ABCE1: variants seen among roughly 807,000 people sequenced by gnomAD.
ABCE1 encodes the protein ATP binding cassette subfamily E member 1, also known as ATP-binding cassette sub-family E member 1.
ABCE1 carries 22 observed loss-of-function variants against 83.4 expected under a neutral mutation model. The observed-to-expected ratio is 0.26, with a 90% confidence interval of 0.19 to 0.38. ABCE1 has a LOEUF of 0.38. Ranked by LOEUF, ABCE1 falls within the 10% of genes least tolerant of loss-of-function variation. The pLI, the probability that ABCE1 is intolerant of heterozygous loss-of-function variation, is 1.00. For synonymous variants in ABCE1, 204 were observed against 233.7 expected (o/e 0.87, Z 1.16); for missense variants, 330 against 721.9 (o/e 0.46, Z 6.22).
intron 13 of ABCE1, chr4:145,122,643 C>G (rs1749775151): frequency 6.4e-6 from 1 of 156,698 alleles, no homozygotes; most frequent in Non-Finnish European, 1.4e-5. Context: ...CAGATTCCGC[C>G]TCCACAAAAA....
At chr4:145,112,391 G>T (rs1160328051) in intron 9 of ABCE1, 63 bp downstream of exon 9, 15 of 1,125,492 alleles carry the variant, frequency 1.3e-5, no homozygotes, top group Non-Finnish European at 1.8e-5. Context: ...GATTTCTAAG[G>T]ATTAAACACT....
Position 145,113,177 on chromosome 4 carries a change from G to T in ABCE1, c.800+849G>T, listed in dbSNP as rs139973077. Among the ~76,000 whole-genome samples the T allele has an allele frequency of 1.6e-3, 247 of 152,314 alleles. 1 individual carries two copies. Among genetic ancestry groups the T allele is most frequent in the African/African-American group, 5.5e-3 (230 of 41,568 alleles). ...CATCCACTCATGGGCAAGAAGCAAG[G>T]TCTAGTATTGGATTTTCACACATAA... On this transcript the variant is annotated intron_variant, in intron 9 of 17. Transcript: ENST00000296577.
At chr4:145,107,940 AT>A (rs1381299932) in intron 3 of ABCE1, 74 bp from the exon 4 acceptor site, 1 of 1,122,458 alleles carries the variant, frequency 8.9e-7, no homozygotes, top group Non-Finnish European at 1.3e-6. Flanking sequence ...TTATAAAAAT[AT>A]TTTTAATCCA....
intron 11 of ABCE1, 85 bp downstream of exon 11, chr4:145,120,238 C>A: frequency 8.4e-7 from 1 of 1,196,018 alleles, no homozygotes; most frequent in Non-Finnish European, 1.2e-6. Context: ...AAATTTGAAT[C>A]ATATGTTATA....
At chr4:145,105,735 T>C in intron 3 of ABCE1, 45 bp downstream of exon 3, 2 of 1,382,814 alleles carry the variant, frequency 1.4e-6, no homozygotes, top group South Asian at 1.2e-5. Flanking sequence ...AACCTAAAAC[T>C]GAAATCTGAA....
intron 16 of ABCE1, among the ~76,000 whole-genome samples, chr4:145,124,762 A>AT (rs4148245): frequency 6.7e-5 from 10 of 150,256 alleles, no homozygotes; most frequent in African/African-American, 1.5e-4. Context: ...TCCAGGTTAA[A>AT]TTTTTTTTTT....
At chr4:145,121,563 A>G (rs1749745053) in intron 13 of ABCE1, 172 bp downstream of exon 13, 4 of 563,452 alleles carry the variant, frequency 7.1e-6, no homozygotes, top group Non-Finnish European at 1.2e-5. Flanking sequence ...CACTGCTAAG[A>G]AAGTGCTTTA....
intron 16 of ABCE1, 169 bp downstream of exon 16, chr4:145,123,769 A>G: frequency 1.8e-6 from 1 of 568,570 alleles, no homozygotes; most frequent in East Asian, 3.1e-5. Flanking sequence ...GTGGAAGAGT[A>G]GTGTTTAGGC....
chr4:145,127,698 T>TC lies in ABCE1; in HGVS notation c.*125_*126insC. The TC allele has an allele frequency of 3.1e-6, 2 of 636,900 alleles. No homozygotes were observed. Among genetic ancestry groups the TC allele is most frequent in the Non-Finnish European group, 4.9e-6 (2 of 409,968 alleles). 39.5% of individuals were successfully genotyped at this position (636,900 alleles called of 1,614,324 possible). A position where few individuals can be genotyped will look rare whatever the true frequency, so the allele number is the denominator to read the frequency against. On this transcript the variant is annotated 3_prime_UTR_variant, in exon 18 of 18. Transcript: ENST00000296577. ...TCTGGAACTTGAAGTATAATATACT[T>TC]AATATAACATAAAAAGCCAGTTGGG... is the stretch of plus-strand genomic sequence containing the variant.
At chr4:145,121,303 T>G (rs768661838) in intron 12 of ABCE1, 30 bp from the exon 13 acceptor site, 1 of 1,612,796 alleles carries the variant, frequency 6.2e-7, no homozygotes, top group Non-Finnish European at 8.5e-7. Context: ...GGGCAGTTTT[T>G]AGTGTCTTAT....
At chr4:145,106,926 G>A (rs1749319905) in intron 3 of ABCE1, among the ~76,000 whole-genome samples, 1 of 152,058 alleles carries the variant, frequency 6.6e-6, no homozygotes, top group Non-Finnish European at 1.5e-5. Flanking sequence ...AAATTCCCTG[G>A]AATCTCTAAA....
chr4:145,129,211 G>C lies in ABCE1; in HGVS notation c.*1638G>C, dbSNP rs934562389. ...CTTAAAGAAAGTACTTGTGATATAAGAGCACAGTTCTACTTACTGCTAATG... is the reference window on the plus strand; with the variant it reads ...CTTAAAGAAAGTACTTGTGATATAACAGCACAGTTCTACTTACTGCTAATG... On this transcript the variant is annotated 3_prime_UTR_variant, in exon 18 of 18. Transcript: ENST00000296577. The C allele has an allele frequency of 6.6e-6, 1 of 152,116 alleles. No individual in the cohort carries two copies. The highest frequency in any genetic ancestry group is 1.5e-5 in the Non-Finnish European group (1 of 68,006). The allele number at this position is 152,116 out of a possible 1,614,324, so 9.4% of individuals were successfully genotyped here.
intron 13 of ABCE1, chr4:145,121,870 T>C (rs894253865): frequency 2.0e-5 from 3 of 151,592 alleles, no homozygotes; most frequent in Non-Finnish European, 4.4e-5. Flanking sequence ...AGAGTCTGTC[T>C]CAAAAAAAAA....
At chr4:145,124,848 T>G (rs932383841) in intron 16 of ABCE1, 142 bp from the exon 17 acceptor site, 11 of 558,458 alleles carry the variant, frequency 2.0e-5, no homozygotes, top group Middle Eastern at 9.9e-4. Flanking sequence ...GGATTTGTAA[T>G]ATGCTGTTAT....
chr4:145,114,653 A>G (rs376094462), intron 9 of ABCE1, among the ~76,000 whole-genome samples: 2 of 152,102 alleles, frequency 1.3e-5, no homozygotes, highest in East Asian at 1.9e-4. Flanking sequence ...ATAAGTGTAG[A>G]TGGACCTCGG....
At chr4:145,112,354 G>C (rs952320920) in intron 9 of ABCE1, 26 bp downstream of exon 9, 9 of 1,433,134 alleles carry the variant, frequency 6.3e-6, no homozygotes, top group Non-Finnish European at 7.7e-6. Flanking sequence ...GCATATTACT[G>C]TGTTGTTTTG....
chr4:145,126,521 T>C lies in ABCE1; in HGVS notation c.1753-1005T>C, dbSNP rs888151982. ...CATCTTGCCCGTGCTAGTCTTGAACTCCTGACCTAGTGTTCCACCTGCCTT... is the reference window on the plus strand; with the variant it reads ...CATCTTGCCCGTGCTAGTCTTGAACCCCTGACCTAGTGTTCCACCTGCCTT... On this transcript the variant is annotated intron_variant, in intron 17 of 17. Coordinates refer to ENST00000296577, the MANE Select transcript of ABCE1 (RefSeq NM_002940.3). Among the ~76,000 whole-genome samples, 11 of 152,288 alleles carry C rather than the reference T, an allele frequency of 7.2e-5. No homozygotes were observed. The South Asian group carries it at 2.3e-3, about 32-fold the overall frequency.
intron 11 of ABCE1, 108 bp downstream of exon 11, chr4:145,120,261 G>T (rs1749708712): frequency 1.0e-6 from 1 of 953,146 alleles, no homozygotes; most frequent in African/African-American, 1.7e-5. Flanking sequence ...GCTAGAAGCA[G>T]AGTTTTATTT....
chr4:145,108,128 A>G lies in ABCE1; in HGVS notation c.287+16A>G, dbSNP rs34140237. ...AACTTCACAGGTATATTTTCACATC[A>G]GGATTCCTCTTCTGTCAAGTTAAGA... On this transcript the variant is annotated intron_variant, in intron 4 of 17. Transcript: ENST00000296577. The G allele has an allele frequency of 2.3e-4, 373 of 1,601,050 alleles. No homozygotes were observed. In the Middle Eastern group the frequency reaches 2.7e-3, roughly 11 times the overall value.
Sources: allele counts gnomAD v4.1 joint callset (sites outside exome capture counted in the v4.1 genomes callset), GRCh38; gene constraint gnomAD v4.1.1; transcripts MANE v1.5; gene names NCBI Gene and HGNC (gene_info 2026-07-23, HGNC 2026-07-21).